Variants in NLRP9 observed in about 807,000 individuals in gnomAD.
NLRP9 encodes the protein NACHT, LRR and PYD domains-containing protein 9.
Under a neutral mutation model 83.1 loss-of-function variants are expected in NLRP9, and 88 were observed. The ratio of observed to expected loss-of-function variants is 1.06; its 90% confidence interval spans 0.89 to 1.26. The LOEUF (loss-of-function observed/expected upper bound fraction) is 1.26, where lower values mean the gene tolerates loss of function less well. Ranked by LOEUF, NLRP9 falls within the 50% of genes most tolerant of loss-of-function variation. The probability of loss-of-function intolerance (pLI) is 0.00; values close to 1 mark genes in which losing one functional copy is unlikely to be tolerated. For missense variants in NLRP9, 1,308 were observed against 1,179.3 expected, an observed-to-expected ratio of 1.11 and a Z score of -1.60; for synonymous variants, 521 against 447.6, an observed-to-expected ratio of 1.16 and a Z score of -2.07.
At chr19:55,717,126 C>A (rs11672847) in intron 4 of NLRP9, among the ~76,000 whole-genome samples, 1,752 of 151,644 alleles carry the variant, frequency 0.012, 16 homozygotes, top group Middle Eastern at 0.024. Context: ...CTCCACCTCC[C>A]GGGTTCAAAT....
In NLRP9 at chr19:55,708,758, A is replaced by C. The variant is rs920974589; in HGVS notation, c.*154T>G. 1.7e-5 allele frequency: 9 copies of C among 532,226 alleles called. No individual in the cohort carries two copies. The highest frequency in any genetic ancestry group is 1.4e-4 in the African/African-American group (7 of 50,978). The allele number at this position is 532,226 out of a possible 1,614,324, so 33.0% of individuals were successfully genotyped here. ...ACAATCAGCATGTACACTGAATCACACTCCATAATCATATTGCTAGAACAC... is the reference window on the plus strand; with the variant it reads ...ACAATCAGCATGTACACTGAATCACCCTCCATAATCATATTGCTAGAACAC... On this transcript the variant is annotated 3_prime_UTR_variant, in exon 9 of 9. Transcript: ENST00000332836.
chr19:55,732,809 C>A lies in NLRP9; in HGVS notation c.1022G>T (p.Trp341Leu), dbSNP rs199475847. 61 of 1,614,130 alleles carry A rather than the reference C, an allele frequency of 3.8e-5. 1 individual carries two copies. In the African/African-American group the frequency reaches 6.4e-4, roughly 17 times the overall value. Residue 341 changes from tryptophan (W) to leucine (L), a missense_variant, in exon 2 of 9, where the codon TGG (tryptophan) becomes TTG (leucine). Trp to Leu is a moderately conservative substitution (Grantham distance 61). Coordinates refer to ENST00000332836, the MANE Select transcript of NLRP9 (RefSeq NM_176820.4). ...CTGTTTCACACAAGTACAGACCAAC[C>A]AGCACGTAAAGGGATTATGGCACAA... ...FILCHNPFTC[W>L]LVCTCVKQRL...
intron 4 of NLRP9, among the ~76,000 whole-genome samples, chr19:55,718,081 G>C (rs904958967): frequency 6.6e-6 from 1 of 152,204 alleles, no homozygotes; most frequent in African/African-American, 2.4e-5. Context: ...AATGGATTTA[G>C]GGCTGTGCAG....
chr19:55,709,068 T>C, intron 8 of NLRP9, 24 bp from the exon 9 acceptor site: 1 of 1,548,464 alleles, frequency 6.5e-7, no homozygotes, highest in East Asian at 2.4e-5. Flanking sequence ...AATAAAGTTT[T>C]TTTTTTTGTT....
chr19:55,718,937 T>C (rs895922950), intron 4 of NLRP9, among the ~76,000 whole-genome samples: 1 of 152,230 alleles, frequency 6.6e-6, no homozygotes, highest in Non-Finnish European at 1.5e-5. Context: ...GCTGCACATC[T>C]GTATTTTTCA....
chr19:55,729,038 A>ATT (rs1363279841), intron 3 of NLRP9, among the ~76,000 whole-genome samples: 3 of 105,946 alleles, frequency 2.8e-5, no homozygotes, highest in African/African-American at 7.7e-5. Flanking sequence ...TGCTTATCTT[A>ATT]TTTTTCTTTT....
At chr19:55,713,485 G>A (rs1296081732) in intron 6 of NLRP9, among the ~76,000 whole-genome samples, 5 of 151,292 alleles carry the variant, frequency 3.3e-5, no homozygotes, top group Non-Finnish European at 4.4e-5. Flanking sequence ...CTCTCAGGCA[G>A]GCAAGATTTT....
chr19:55,724,604 A>G (rs927380488), intron 3 of NLRP9, among the ~76,000 whole-genome samples: 5 of 151,540 alleles, frequency 3.3e-5, no homozygotes, highest in African/African-American at 9.7e-5. Flanking sequence ...TTTTTTTTTA[A>G]TAAAAGAGAC....
In NLRP9 at chr19:55,708,781, C is replaced by T; in HGVS notation, c.*131G>A. ...ACACTCCATAATCATATTGCTAGAA[C>T]ACTTAGGGAGTACCTCTGAAATCAC... is the stretch of plus-strand genomic sequence containing the variant. On this transcript the variant is annotated 3_prime_UTR_variant, in exon 9 of 9. Transcript: ENST00000332836. 1.6e-6 allele frequency: 1 copy of T among 613,424 alleles called. No homozygotes were observed. Among genetic ancestry groups the T allele is most frequent in the Non-Finnish European group, 2.8e-6 (1 of 357,260 alleles). 38.0% of individuals were successfully genotyped at this position (613,424 alleles called of 1,614,324 possible). A position where few individuals can be genotyped will look rare whatever the true frequency, so the allele number is the denominator to read the frequency against.
intron 4 of NLRP9, among the ~76,000 whole-genome samples, chr19:55,718,624 C>T (rs183931451): frequency 3.3e-3 from 503 of 152,320 alleles, no homozygotes; most frequent in Non-Finnish European, 5.8e-3. Context: ...CAGATTCCTT[C>T]GCTCACATGT....
Position 55,708,727 on chromosome 19 carries a change from G to A in NLRP9, c.*185C>T, listed in dbSNP as rs1342494156. The A allele has an allele frequency of 1.3e-5, 6 of 459,970 alleles. No homozygotes were observed. In the East Asian group the frequency reaches 1.9e-4, roughly 15 times the overall value. The allele number at this position is 459,970 out of a possible 1,614,324, so 28.5% of individuals were successfully genotyped here. ...AAAGACAAGGGGATATAGGACCGAGGCAAAGACAATCAGCATGTACACTGA... is the reference window on the plus strand; with the variant it reads ...AAAGACAAGGGGATATAGGACCGAGACAAAGACAATCAGCATGTACACTGA... On this transcript the variant is annotated 3_prime_UTR_variant, in exon 9 of 9. Transcript: ENST00000332836.
intron 2 of NLRP9, among the ~76,000 whole-genome samples, chr19:55,731,631 GGA>G (rs1011344485): frequency 2.6e-5 from 4 of 151,170 alleles, no homozygotes; most frequent in African/African-American, 9.7e-5. Flanking sequence ...AGCTGAGGCA[GGA>G]GAGTCGCTTG....
chr19:55,735,946 C>T (rs768658511), intron 1 of NLRP9, among the ~76,000 whole-genome samples: 22 of 152,002 alleles, frequency 1.4e-4, no homozygotes, highest in Non-Finnish European at 2.6e-4. Flanking sequence ...CCTCAGCCTC[C>T]CAAAGTGCTG....
intron 1 of NLRP9, among the ~76,000 whole-genome samples, chr19:55,734,024 G>C (rs1268135252): frequency 6.7e-6 from 1 of 149,466 alleles, no homozygotes; most frequent in Non-Finnish European, 1.5e-5. Context: ...CCGGGTTCAC[G>C]CCATTCTCCT....
At position 55,708,894 on chromosome 19, in the gene NLRP9, A is replaced by G. The variant is rs769340325; in HGVS notation, c.*18T>C. ...CAAGGAAAGCCTTTGTGAGACGACT[A>G]CTTCAGGGTGTTCCCCATCAGAGGA... On this transcript the variant is annotated 3_prime_UTR_variant, in exon 9 of 9. Coordinates refer to ENST00000332836, the MANE Select transcript of NLRP9 (RefSeq NM_176820.4). 1.5e-5 allele frequency: 23 copies of G among 1,519,482 alleles called. No homozygotes were observed. Among genetic ancestry groups the G allele is most frequent in the Non-Finnish European group, 1.9e-5 (22 of 1,140,754 alleles). The allele number at this position is 1,519,482 out of a possible 1,614,324, so 94.1% of individuals were successfully genotyped here. A position where few individuals can be genotyped will look rare whatever the true frequency, so the allele number is the denominator to read the frequency against.
chr19:55,723,589 A>G (rs1277933388), intron 4 of NLRP9, among the ~76,000 whole-genome samples: 1 of 151,974 alleles, frequency 6.6e-6, no homozygotes, highest in African/African-American at 2.4e-5. Context: ...TTAGCTGGGT[A>G]TGGTGGCGTG....
intron 3 of NLRP9, among the ~76,000 whole-genome samples, chr19:55,725,384 ACAG>A (rs1367612109): frequency 6.6e-6 from 1 of 152,236 alleles, no homozygotes; most frequent in African/African-American, 2.4e-5. Context: ...TCCTGGCGTT[ACAG>A]CAGATGAGCG....
chr19:55,726,155 G>A (rs1033469410), intron 3 of NLRP9, among the ~76,000 whole-genome samples: 1 of 152,086 alleles, frequency 6.6e-6, no homozygotes, highest in Non-Finnish European at 1.5e-5. Context: ...TGAAAGCACC[G>A]GGATTGGTTA....
Position 55,708,751 on chromosome 19 carries a change from G to C in NLRP9, c.*161C>G, listed in dbSNP as rs976534823. 5 of 522,038 alleles carry C rather than the reference G, an allele frequency of 9.6e-6. No homozygotes were observed. In the African/African-American group the frequency reaches 9.8e-5, roughly 10 times the overall value. The allele number at this position is 522,038 out of a possible 1,614,324, so 32.3% of individuals were successfully genotyped here. A position where few individuals can be genotyped will look rare whatever the true frequency, so the allele number is the denominator to read the frequency against. ...GGCAAAGACAATCAGCATGTACACT[G>C]AATCACACTCCATAATCATATTGCT... is the stretch of plus-strand genomic sequence containing the variant. On this transcript the variant is annotated 3_prime_UTR_variant, in exon 9 of 9. Transcript: ENST00000332836.
Sources: gnomAD v4.1 joint callset for allele counts (sites outside exome capture counted in the v4.1 genomes callset) on GRCh38, gnomAD v4.1.1 for gene constraint, MANE v1.5 for transcripts, NCBI Gene and HGNC (gene_info 2026-07-23, HGNC 2026-07-21) for gene names.